PLEKHM3: variants seen among roughly 807,000 people sequenced by gnomAD.
PLEKHM3 encodes pleckstrin homology domain-containing family M member 3.
In PLEKHM3, 45 loss-of-function variants were observed where a neutral mutation model predicts 81.8. The ratio of observed to expected loss-of-function variants is 0.55; its 90% CI spans 0.43 to 0.71. The LOEUF (loss-of-function observed/expected upper bound fraction) is 0.71. Ranked by LOEUF, PLEKHM3 falls within the 30% of genes least tolerant of loss-of-function variation. The pLI is 0.00. For synonymous variants in PLEKHM3, 352 were observed against 356.4 expected (o/e 0.99, Z 0.14); for missense variants, 788 against 924.3 (o/e 0.85, Z 1.91).
chr2:207,882,303 T>C (rs947308527), intron 6 of PLEKHM3, among the ~76,000 whole-genome samples: 2 of 152,122 alleles, frequency 1.3e-5, no homozygotes, highest in African/African-American at 4.8e-5. Context: ...TCTCTCTCTC[T>C]GAAAACAGTT....
chr2:207,900,166 G>GAA (rs1688370652), intron 6 of PLEKHM3: 1 of 152,156 alleles, frequency 6.6e-6, no homozygotes, highest in Admixed American at 6.6e-5. Flanking sequence ...CTCTAGCCTA[G>GAA]GTGAGAAGAC....
At chr2:208,015,100 T>C (rs1314199145) in intron 1 of PLEKHM3, among the ~76,000 whole-genome samples, 2 of 152,250 alleles carry the variant, frequency 1.3e-5, no homozygotes, top group Non-Finnish European at 2.9e-5. Context: ...ACTTAACGTA[T>C]GTTAAGCCTT....
At chr2:207,901,182 C>G (rs542474057) in intron 6 of PLEKHM3, 22 of 692,360 alleles carry the variant, frequency 3.2e-5, no homozygotes, top group Non-Finnish European at 5.8e-5. Flanking sequence ...TCTTTCTGAT[C>G]TGGCTTCCAC....
Position 207,828,343 on chromosome 2 carries a change from G to C in PLEKHM3, c.2262C>G (p.Phe754Leu). 4 of 1,613,494 alleles carry C rather than the reference G, an allele frequency of 2.5e-6. No homozygotes were observed. The highest frequency in any genetic ancestry group is 2.5e-6 in the Non-Finnish European group (3 of 1,179,794). ...GTCAGGTGTTCTGGTAGGACAGCTC[G>C]AACATGGTGCAAGCCTCCTCTAGAC... ...DESLEEACTM[F>L]ELSYQNT Residue 754 changes from phenylalanine to leucine, a missense_variant, in exon 8 of 8, where the codon TTC becomes TTG. Coordinates refer to ENST00000427836, the MANE Select transcript of PLEKHM3 (RefSeq NM_001080475.3).
At chr2:208,010,391 G>C (rs1692650637) in intron 1 of PLEKHM3, among the ~76,000 whole-genome samples, 1 of 152,136 alleles carries the variant, frequency 6.6e-6, no homozygotes, top group African/African-American at 2.4e-5. Flanking sequence ...AATATGTCTT[G>C]CTCTTAGAAA....
chr2:207,993,542 C>T (rs1001768403), intron 2 of PLEKHM3, among the ~76,000 whole-genome samples: 3 of 150,240 alleles, frequency 2.0e-5, no homozygotes, highest in African/African-American at 2.5e-5. Flanking sequence ...AAAAAGGGAA[C>T]CGAAACAGAG....
chr2:208,014,707 C>G (rs1405506481), intron 1 of PLEKHM3, among the ~76,000 whole-genome samples: 1 of 152,212 alleles, frequency 6.6e-6, no homozygotes, highest in Non-Finnish European at 1.5e-5. Flanking sequence ...TACATTAAAA[C>G]AGTTTCTGAA....
intron 5 of PLEKHM3, among the ~76,000 whole-genome samples, chr2:207,914,147 G>T: frequency 6.6e-6 from 1 of 152,112 alleles, no homozygotes; most frequent in Non-Finnish European, 1.5e-5. Flanking sequence ...GAGCTCAGGA[G>T]TTTGGGACCA....
chr2:207,832,022 C>G (rs2105879959), intron 7 of PLEKHM3, among the ~76,000 whole-genome samples: 1 of 152,328 alleles, frequency 6.6e-6, no homozygotes, highest in East Asian at 1.9e-4. Flanking sequence ...ACTCCCTTAT[C>G]TCTGCTGATA....
intron 1 of PLEKHM3, among the ~76,000 whole-genome samples, chr2:208,019,175 G>A (rs1414749869): frequency 6.6e-6 from 1 of 152,126 alleles, no homozygotes; most frequent in East Asian, 1.9e-4. Flanking sequence ...GCATGGGGGC[G>A]TGAACCTATA....
chr2:207,833,672 C>T (rs149967528), intron 7 of PLEKHM3, among the ~76,000 whole-genome samples: 18 of 152,294 alleles, frequency 1.2e-4, no homozygotes, highest in African/African-American at 2.2e-4. Context: ...AGCCATGTCA[C>T]CCCCTCCTCC....
intron 1 of PLEKHM3, among the ~76,000 whole-genome samples, chr2:208,020,091 A>G (rs931459802): frequency 7.9e-5 from 12 of 152,268 alleles, no homozygotes; most frequent in Non-Finnish European, 1.5e-4. Flanking sequence ...CAACATTTAT[A>G]TAATCACACC....
intron 1 of PLEKHM3, among the ~76,000 whole-genome samples, chr2:208,004,629 A>G (rs1244649078): frequency 1.3e-5 from 2 of 152,026 alleles, no homozygotes; most frequent in African/African-American, 2.4e-5. Context: ...CTTGCAGACA[A>G]GTTTTCACCT....
chr2:207,841,669 G>A (rs1421010644), intron 7 of PLEKHM3, among the ~76,000 whole-genome samples: 1 of 150,918 alleles, frequency 6.6e-6, no homozygotes, highest in African/African-American at 2.4e-5. Context: ...TCCTAATATG[G>A]AATAATACTT....
In PLEKHM3 at chr2:207,826,974, G is replaced by T. The variant is rs550951193; in HGVS notation, c.*1345C>A. 1 of 152,242 alleles carries T rather than the reference G, an allele frequency of 6.6e-6. No individual in the cohort carries two copies. The highest frequency in any genetic ancestry group is 1.9e-4 in the East Asian group (1 of 5,184). 9.4% of individuals were successfully genotyped at this position (152,242 alleles called of 1,614,324 possible). On this transcript the variant is annotated 3_prime_UTR_variant, in exon 8 of 8. Transcript: ENST00000427836. ...AGTGACTGCCACGTGCTCTTCCAAG[G>T]GCACTGCAGCTGGAGAACACTACCT...
At chr2:207,951,591 T>A (rs1187702607) in intron 3 of PLEKHM3, among the ~76,000 whole-genome samples, 1 of 152,210 alleles carries the variant, frequency 6.6e-6, no homozygotes, top group Admixed American at 6.5e-5. Flanking sequence ...CTGAAGAGCT[T>A]AGCCTCCCCT....
At chr2:207,972,748 T>C (rs1691172247) in intron 3 of PLEKHM3, among the ~76,000 whole-genome samples, 1 of 152,224 alleles carries the variant, frequency 6.6e-6, no homozygotes. Context: ...TATCAGCATA[T>C]ATTTTTAAAA....
chr2:207,922,131 T>A (rs1181039378), intron 5 of PLEKHM3, among the ~76,000 whole-genome samples: 1 of 152,190 alleles, frequency 6.6e-6, no homozygotes, highest in Non-Finnish European at 1.5e-5. Context: ...TTTCTCCACA[T>A]CCTTGCTGGT....
intron 6 of PLEKHM3, among the ~76,000 whole-genome samples, chr2:207,887,891 T>C (rs1489041163): frequency 1.3e-5 from 2 of 152,322 alleles, no homozygotes; most frequent in South Asian, 2.1e-4. Flanking sequence ...ATTTGGCTAA[T>C]TGAACTACAA....
Sources: gnomAD v4.1 joint callset for allele counts (sites outside exome capture counted in the v4.1 genomes callset) on GRCh38, gnomAD v4.1.1 for gene constraint, MANE v1.5 for transcripts, NCBI Gene and HGNC (gene_info 2026-07-23, HGNC 2026-07-21) for gene names.